The following LRP5 variants were observed in gnomAD, a reference collection of about 807,000 sequenced individuals.
LRP5 encodes low-density lipoprotein receptor-related protein 5.
Under a neutral mutation model 154.1 loss-of-function variants are expected in LRP5, and 62 were observed. That is an observed-to-expected ratio of 0.40 (90% confidence interval 0.33 to 0.50). The LOEUF is 0.50. LRP5 is among the 20% of genes least tolerant of loss of function. The pLI is 0.55. For synonymous variants in LRP5, 966 were observed against 1,011.5 expected (o/e 0.96, Z 0.85); for missense variants, 1,915 against 2,336.7 (o/e 0.82, Z 3.72).
chr11:68,449,057 C>T lies in LRP5; in HGVS notation c.4835C>T (p.Thr1612Met), dbSNP rs1215500179. ...TTCCCGCCCCCTCCGTCCCCCTGCA[C>T]GGACTCATCCTGACCTCGGCCGGGC... ...HLFPPPPSPC[T>M]DSS Residue 1612 changes from threonine to methionine, a missense_variant, in exon 23 of 23, where the codon ACG becomes ATG. Physicochemically the swap from Thr to Met is moderately conservative, Grantham distance 81. This residue lies in a region of LRP5 where 1,094 missense variants were observed against 1,210.1 expected (regional missense o/e 0.90). Coordinates refer to ENST00000294304, the MANE Select transcript of LRP5 (RefSeq NM_002335.4). The T allele has an allele frequency of 7.1e-6, 11 of 1,559,820 alleles. No individual in the cohort carries two copies. The highest frequency in any genetic ancestry group is 2.3e-5 in the East Asian group (1 of 44,390).
chr11:68,372,630 C>T (rs1447572354), intron 5 of LRP5, among the ~76,000 whole-genome samples: 1 of 152,156 alleles, frequency 6.6e-6, no homozygotes, highest in East Asian at 1.9e-4. Context: ...GATTATACTC[C>T]CCGCTCCATG....
intron 7 of LRP5, among the ~76,000 whole-genome samples, chr11:68,396,040 T>C (rs1407606800): frequency 1.3e-5 from 2 of 151,848 alleles, no homozygotes; most frequent in African/African-American, 4.8e-5. Flanking sequence ...AAACACCCGC[T>C]GAGTACGCAG....
chr11:68,387,051 ATGACAGTAG>A (rs2098643448), intron 6 of LRP5, among the ~76,000 whole-genome samples: 1 of 152,022 alleles, frequency 6.6e-6, no homozygotes, highest in Admixed American at 6.5e-5. Context: ...GATTTCCAGG[ATGACAGTAG>A]TGACAGTAAG....
chr11:68,391,895 G>T (rs1325548969), intron 7 of LRP5, among the ~76,000 whole-genome samples: 1 of 152,230 alleles, frequency 6.6e-6, no homozygotes, highest in Non-Finnish European at 1.5e-5. Context: ...AGGCGAGAGT[G>T]CAGTGGCGCA....
Position 68,425,120 on chromosome 11 carries a change from C to T in LRP5, c.3255C>T (p.Asn1085=). 1 of 1,613,866 alleles carries T rather than the reference C, an allele frequency of 6.2e-7. No individual in the cohort carries two copies. Residue 1085 remains asparagine (N), a synonymous_variant, in exon 15 of 23, where the codon AAC becomes AAT. Coordinates refer to ENST00000294304, the MANE Select transcript of LRP5 (RefSeq NM_002335.4). The part of the protein sequence containing the change: ...NAERGYLYFT[N]MQDRAAKIER... ...CCCGCAGGTACCTGTACTTCACCAA[C>T]ATGCAGGACCGGGCAGCCAAGATCG...
At chr11:68,346,087 T>C (rs2098612672) in intron 1 of LRP5, among the ~76,000 whole-genome samples, 1 of 152,250 alleles carries the variant, frequency 6.6e-6, no homozygotes, top group Non-Finnish European at 1.5e-5. Context: ...AGTAGATCTA[T>C]GATTTGGAAA....
chr11:68,365,064 G>A (rs910713503), intron 4 of LRP5, among the ~76,000 whole-genome samples: 1 of 152,172 alleles, frequency 6.6e-6, no homozygotes, highest in African/African-American at 2.4e-5. Flanking sequence ...TATGGAAGCT[G>A]CTGGGTCCAC....
At chr11:68,350,442 G>T (rs1224464106) in intron 2 of LRP5, among the ~76,000 whole-genome samples, 2 of 152,238 alleles carry the variant, frequency 1.3e-5, no homozygotes, top group African/African-American at 4.8e-5. Context: ...GGCTCTGGAA[G>T]CCCTTCCCTT....
the LRP5 span, among the ~76,000 whole-genome samples, chr11:68,298,534 C>T: frequency 2.6e-5 from 4 of 152,198 alleles, no homozygotes; most frequent in East Asian, 1.9e-4. Flanking sequence ...TCACCAGCTG[C>T]ACCCCATGGG....
chr11:68,433,903 G>C (rs1425787632), intron 18 of LRP5, 65 bp downstream of exon 18: 1 of 1,476,184 alleles, frequency 6.8e-7, no homozygotes, highest in African/African-American at 1.4e-5. Context: ...ACGAGCTTGG[G>C]GCTGCCTCCG....
At chr11:68,446,331 G>A in intron 21 of LRP5, 105 bp from the exon 22 acceptor site, 1 of 837,852 alleles carries the variant, frequency 1.2e-6, no homozygotes, top group South Asian at 1.3e-5. Flanking sequence ...GGGAAGCAGG[G>A]GGGCCAGAAG....
chr11:68,354,267 A>G (rs184887643), intron 2 of LRP5, among the ~76,000 whole-genome samples: 5 of 152,378 alleles, frequency 3.3e-5, no homozygotes, highest in Admixed American at 3.3e-4. Flanking sequence ...AGACTCTGCA[A>G]GAGCACGTCC....
chr11:68,395,733 A>G (rs1054197016), intron 7 of LRP5, among the ~76,000 whole-genome samples: 1 of 152,002 alleles, frequency 6.6e-6, no homozygotes, highest in African/African-American at 2.4e-5. Context: ...GCACGTCCAG[A>G]GCTGACTTAG....
chr11:68,445,578 C>T (rs766283180), intron 21 of LRP5: 33 of 1,314,780 alleles, frequency 2.5e-5, no homozygotes, highest in South Asian at 7.4e-5. Context: ...CGCAGGGGCT[C>T]GGATCTGGCT....
At position 68,353,434 on chromosome 11, in the gene LRP5, C is replaced by T. The variant is rs752695491; in HGVS notation, c.489-4216C>T. ...TCTGTCCCTGTAGGCTCCATGTCTC[C>T]GGAGAGGGAGAGGGAGAGGGAGAGG... On this transcript the variant is annotated intron_variant, in intron 2 of 22. Coordinates refer to ENST00000294304, the MANE Select transcript of LRP5 (RefSeq NM_002335.4). This position sits in a 1 kb window ranked among gnomAD's most constrained non-coding sequence, Gnocchi z 4.5. Among the ~76,000 whole-genome samples the T allele has an allele frequency of 1.8e-4, 27 of 152,122 alleles. 1 individual carries two copies. Among genetic ancestry groups the T allele is most frequent in the African/African-American group, 9.7e-5 (4 of 41,384 alleles).
rs780249365 is a variant in LRP5 at position 68,365,698 on chromosome 11, G to C, written c.1011G>C (p.Lys337Asn). The change falls in exon 5 of 23, where the codon AAG becomes AAC. Residue 337 changes from lysine to asparagine, a missense_variant. By Grantham distance (94) the Lys-to-Asn change is moderately conservative. Transcript: ENST00000294304. ...VQLQDNGRTC[K>N]AGAEEVLLLA... ...TGCAGGACAACGGCAGGACGTGTAA[G>C]GCAGGTGAGGCGGTGGGACGGGACG... 12 of 1,609,180 alleles carry C rather than the reference G, an allele frequency of 7.5e-6. No individual in the cohort carries two copies. The South Asian group carries it at 1.3e-4, about 18-fold the overall frequency.
intron 3 of LRP5, among the ~76,000 whole-genome samples, chr11:68,360,338 C>T (rs1414954635): frequency 1.3e-5 from 2 of 152,172 alleles, no homozygotes; most frequent in Non-Finnish European, 2.9e-5. Flanking sequence ...TTTTGATCCC[C>T]TGTGCACAGA....
At chr11:68,347,816 G>C (rs1453348232) in intron 1 of LRP5, 31 bp from the exon 2 acceptor site, 1 of 1,611,824 alleles carries the variant, frequency 6.2e-7, no homozygotes, top group Admixed American at 1.7e-5. Flanking sequence ...GGCTTAGCCA[G>C]TGGCCCTCAC....
chr11:68,299,202 C>A, the LRP5 span, among the ~76,000 whole-genome samples: 3 of 152,298 alleles, frequency 2.0e-5, no homozygotes, highest in South Asian at 6.2e-4. Flanking sequence ...GGCCTGGAGG[C>A]CCCACCCTGC....
Sources: gnomAD v4.1 joint callset for allele counts (sites outside exome capture counted in the v4.1 genomes callset) on GRCh38, gnomAD v4.1.1 for gene constraint, gnomAD v4.1.1 regional missense constraint, Gnocchi (gnomAD v3.1) non-coding constraint, MANE v1.5 for transcripts, NCBI Gene and HGNC (gene_info 2026-07-23, HGNC 2026-07-21) for gene names.